IQGAP1: variants seen among roughly 807,000 people sequenced by gnomAD.
IQGAP1 encodes ras GTPase-activating-like protein IQGAP1.
Under a neutral mutation model 215.6 loss-of-function variants are expected in IQGAP1, and 66 were observed. That is an observed-to-expected ratio of 0.31 (90% CI 0.25 to 0.38). IQGAP1 has a LOEUF of 0.38. IQGAP1 is among the 10% of genes least tolerant of loss of function. IQGAP1 has a pLI of 1.00. For synonymous variants in IQGAP1, 772 were observed against 728.7 expected, an observed-to-expected ratio of 1.06 and a Z score of -0.96; for missense variants, 1,712 against 1,997.1, an observed-to-expected ratio of 0.86 and a Z score of 2.72.
At chr15:90,406,854 C>T (rs1041128702) in intron 2 of IQGAP1, among the ~76,000 whole-genome samples, 4 of 152,066 alleles carry the variant, frequency 2.6e-5, no homozygotes, top group Admixed American at 6.6e-5. Context: ...AGAGAAGTAG[C>T]GTTAGTGGGA....
rs144581384 is a variant in IQGAP1 at position 90,439,434 on chromosome 15, A to C, written c.535+35A>C. 1.9e-3 allele frequency: 2,964 copies of C among 1,559,550 alleles called. 74 individuals are homozygous for C. In the South Asian group the frequency reaches 0.029, roughly 15 times the overall value. The stretch of plus-strand genomic sequence containing the variant: ...TAGATACTTGGCAGGAAATGCTTGA[A>C]TTATGTGGAAATAGCCTGGAGAGCC... On this transcript the variant is annotated intron_variant, in intron 6 of 37. Coordinates refer to ENST00000268182, the MANE Select transcript of IQGAP1 (RefSeq NM_003870.4).
Position 90,500,798 on chromosome 15 carries a change from A to G in IQGAP1, c.*690A>G, listed in dbSNP as rs1004593683. Reference sequence around the variant, plus strand: ...TAACTCCCCGACTAGTGGATGGGAGAGTCCCATTGCTAAAATTCAGCTACT... The same window carrying G: ...TAACTCCCCGACTAGTGGATGGGAGGGTCCCATTGCTAAAATTCAGCTACT... On this transcript the variant is annotated 3_prime_UTR_variant, in exon 38 of 38. Transcript: ENST00000268182. The G allele has an allele frequency of 6.6e-6, 1 of 152,482 alleles. No homozygotes were observed. Among genetic ancestry groups the G allele is most frequent in the Non-Finnish European group, 1.5e-5 (1 of 68,034 alleles). 9.4% of individuals were successfully genotyped at this position (152,482 alleles called of 1,614,324 possible). A position where few individuals can be genotyped will look rare whatever the true frequency, so the allele number is the denominator to read the frequency against.
At chr15:90,423,226 G>A (rs1478483711) in intron 2 of IQGAP1, among the ~76,000 whole-genome samples, 1 of 152,052 alleles carries the variant, frequency 6.6e-6, no homozygotes, top group Non-Finnish European at 1.5e-5. Context: ...ACTTTTCAAA[G>A]CAGTTTGGTC....
chr15:90,499,851 T>A, intron 37 of IQGAP1, 144 bp from the exon 38 acceptor site: 1 of 579,184 alleles, frequency 1.7e-6, no homozygotes, highest in Non-Finnish European at 3.1e-6. Flanking sequence ...GTGGAACTTT[T>A]CTTTCGCCCC....
chr15:90,406,978 A>G (rs1194478499), intron 2 of IQGAP1, among the ~76,000 whole-genome samples: 2 of 152,220 alleles, frequency 1.3e-5, no homozygotes, highest in African/African-American at 4.8e-5. Context: ...TGTCCTCTGG[A>G]CTAATCAGAG....
intron 2 of IQGAP1, among the ~76,000 whole-genome samples, chr15:90,406,287 C>A (rs181232682): frequency 6.6e-6 from 1 of 152,284 alleles, no homozygotes; most frequent in Admixed American, 6.5e-5. Flanking sequence ...TCCTTTTGGA[C>A]AGGGTCACCA....
chr15:90,405,674 C>T (rs1334097006), intron 2 of IQGAP1, among the ~76,000 whole-genome samples: 1 of 150,922 alleles, frequency 6.6e-6, no homozygotes, highest in Non-Finnish European at 1.5e-5. Context: ...CTTGTAAATT[C>T]TGAGTCTCCA....
At chr15:90,419,729 G>A (rs573350106) in intron 2 of IQGAP1, among the ~76,000 whole-genome samples, 77 of 152,192 alleles carry the variant, frequency 5.1e-4, no homozygotes, top group Non-Finnish European at 9.1e-4. Flanking sequence ...CTCTATATTC[G>A]GGGAAAAACG....
chr15:90,416,618 C>T lies in IQGAP1; in HGVS notation c.156-9492C>T, dbSNP rs1251067204. Among the ~76,000 whole-genome samples the T allele has an allele frequency of 3.3e-5, 5 of 150,924 alleles. No homozygotes were observed. The South Asian group carries it at 6.3e-4, about 19-fold the overall frequency. On this transcript the variant is annotated intron_variant, in intron 2 of 37. Coordinates refer to ENST00000268182, the MANE Select transcript of IQGAP1 (RefSeq NM_003870.4). ...TTTGAGACGGAGTCTTGCTCTGTTGCCCAGGCTGGAGTGCAGTGGCACAAT... is the reference window on the plus strand; with the variant it reads ...TTTGAGACGGAGTCTTGCTCTGTTGTCCAGGCTGGAGTGCAGTGGCACAAT...
intron 26 of IQGAP1, among the ~76,000 whole-genome samples, chr15:90,478,876 G>A (rs754010972): frequency 5.9e-5 from 9 of 152,198 alleles, no homozygotes; most frequent in Non-Finnish European, 1.0e-4. Context: ...TTAAATTAAC[G>A]TATTACAGGA....
At chr15:90,491,250 G>A (rs1185659649) in intron 33 of IQGAP1, 83 bp from the exon 34 acceptor site, 4 of 1,158,222 alleles carry the variant, frequency 3.5e-6, no homozygotes, top group Non-Finnish European at 5.1e-6. Flanking sequence ...AACTGTATAA[G>A]TTCAGGTGCA....
intron 19 of IQGAP1, 43 bp from the exon 20 acceptor site, chr15:90,473,672 G>A: frequency 7.2e-7 from 1 of 1,382,108 alleles, no homozygotes; most frequent in Non-Finnish European, 1.0e-6. Flanking sequence ...TTCCATTGAT[G>A]CTTGGGAAGT....
intron 33 of IQGAP1, among the ~76,000 whole-genome samples, chr15:90,491,017 G>A (rs1204488007): frequency 6.6e-5 from 10 of 152,194 alleles, no homozygotes; most frequent in African/African-American, 2.4e-4. Flanking sequence ...CACCGTGTTA[G>A]TCAGGATGGT....
intron 2 of IQGAP1, among the ~76,000 whole-genome samples, chr15:90,415,036 C>G (rs1217396384): frequency 1.3e-5 from 2 of 152,124 alleles, no homozygotes; most frequent in Non-Finnish European, 2.9e-5. Flanking sequence ...TATATGGTGC[C>G]GGATTTTCTC....
At chr15:90,414,867 C>T (rs1965022410) in intron 2 of IQGAP1, among the ~76,000 whole-genome samples, 1 of 152,182 alleles carries the variant, frequency 6.6e-6, no homozygotes, top group Non-Finnish European at 1.5e-5. Context: ...GTGAATTGCT[C>T]ATCCTCTCCG....
intron 37 of IQGAP1, among the ~76,000 whole-genome samples, chr15:90,499,117 TGTG>T (rs1389657970): frequency 6.6e-6 from 1 of 152,152 alleles, no homozygotes; most frequent in African/African-American, 2.4e-5. Context: ...CACCCGGCCT[TGTG>T]GGGTCCTTTC....
rs1187104241 is a variant in IQGAP1 at position 90,494,800 on chromosome 15, A to G, written c.4716A>G (p.Gly1572=). 1.2e-6 allele frequency: 2 copies of G among 1,607,598 alleles called. No homozygotes were observed. The highest frequency in any genetic ancestry group is 1.1e-5 in the South Asian group (1 of 90,220). Residue 1572 remains glycine, a synonymous_variant, in exon 36 of 38, where the codon GGA becomes GGG. Transcript: ENST00000268182. ...CAGCAGCAAGACTACATGAAAAAGG[A>G]GTTCTTCTGGAAATTGAGGACCTGC... is the stretch of plus-strand genomic sequence containing the variant. The part of the protein sequence containing the change: ...KYTAARLHEK[G]VLLEIEDLQV...
chr15:90,481,856 T>C, intron 26 of IQGAP1, 104 bp from the exon 27 acceptor site: 1 of 1,201,150 alleles, frequency 8.3e-7, no homozygotes, highest in Non-Finnish European at 1.2e-6. Context: ...GCTTAAGCTA[T>C]CTAATATTTC....
intron 2 of IQGAP1, among the ~76,000 whole-genome samples, chr15:90,405,221 T>C (rs1417615286): frequency 6.6e-6 from 1 of 152,226 alleles, no homozygotes; most frequent in Non-Finnish European, 1.5e-5. Context: ...GTTTATGAAC[T>C]GATATCTTAA....
Sources: gnomAD v4.1 joint callset for allele counts (sites outside exome capture counted in the v4.1 genomes callset) on GRCh38, gnomAD v4.1.1 for gene constraint, MANE v1.5 for transcripts, NCBI Gene and HGNC (gene_info 2026-07-23, HGNC 2026-07-21) for gene names.